SLC36A1: variants seen among roughly 807,000 people sequenced by gnomAD.
SLC36A1 encodes the protein proton-coupled amino acid transporter 1.
A neutral mutation model predicts 47.5 loss-of-function variants in SLC36A1; 30 were observed. The observed-to-expected ratio is 0.63, with a 90% CI of 0.47 to 0.86. SLC36A1 has a LOEUF of 0.86. SLC36A1 is among the 40% of genes least tolerant of loss of function. SLC36A1 has a pLI of 0.00. For synonymous variants in SLC36A1, 255 were observed against 249.7 expected (o/e 1.02, Z -0.20); for missense variants, 517 against 606.0 (o/e 0.85, Z 1.54).
At position 151,492,201 on chromosome 5, in the gene SLC36A1, G is replaced by C. The variant is rs966717592; in HGVS notation, c.*3947G>C. 2.0e-5 allele frequency: 3 copies of C among 152,154 alleles called. No homozygotes were observed. Among genetic ancestry groups the C allele is most frequent in the Non-Finnish European group, 4.4e-5 (3 of 68,040 alleles). The allele number at this position is 152,154 out of a possible 1,614,324, so 9.4% of individuals were successfully genotyped here. A position where few individuals can be genotyped will look rare whatever the true frequency, so the allele number is the denominator to read the frequency against. On this transcript the variant is annotated 3_prime_UTR_variant, in exon 11 of 11. Transcript: ENST00000243389. ...GTGAAGAAAAATCAACCAATCTGTA[G>C]GTGTTGATAACTAGACAGTACTGTG...
At chr5:151,385,808 G>C in the SLC36A1 span, among the ~76,000 whole-genome samples, 3 of 151,688 alleles carry the variant, frequency 2.0e-5, no homozygotes, top group African/African-American at 7.3e-5. Context: ...ATTCTAGGAA[G>C]TTTATGGGTC....
the SLC36A1 span, among the ~76,000 whole-genome samples, chr5:151,430,792 T>C: frequency 6.0e-3 from 912 of 152,362 alleles, 14 homozygotes; most frequent in African/African-American, 0.021. Flanking sequence ...TAATGCTTTT[T>C]GGGTATCCTC....
the SLC36A1 span, chr5:151,545,040 G>A: frequency 6.2e-7 from 1 of 1,614,112 alleles, no homozygotes; most frequent in Non-Finnish European, 8.5e-7. Context: ...GCTGCTCCCG[G>A]TCAAACGCCA....
chr5:151,449,640 G>C (rs1385786647), intron 1 of SLC36A1, among the ~76,000 whole-genome samples: 2 of 152,198 alleles, frequency 1.3e-5, no homozygotes, highest in African/African-American at 2.4e-5. Flanking sequence ...ATATTCTGGA[G>C]ACTACAACTG....
chr5:151,476,638 A>G lies in SLC36A1; in HGVS notation c.871A>G (p.Ile291Val). The G allele has an allele frequency of 6.2e-7, 1 of 1,611,026 alleles. No homozygotes were observed. The highest frequency in any genetic ancestry group is 8.5e-7 in the Non-Finnish European group (1 of 1,178,666). The change falls in exon 9 of 11, where the codon ATC (isoleucine) becomes GTC (valine). Residue 291 changes from isoleucine (I) to valine (V), a missense_variant. Ile to Val is a conservative substitution (Grantham distance 29). Transcript: ENST00000243389. ...KMKDPRKFPL[I>V]LYLGMVIVTI... ...GAAGGATCCTCGGAAGTTCCCACTC[A>G]TCCTGTACCTGGGCATGGTCATCGT...
the SLC36A1 span, chr5:151,378,099 C>A: frequency 5.7e-6 from 2 of 350,932 alleles, no homozygotes; most frequent in Non-Finnish European, 1.1e-5. Context: ...TTGATGTTGG[C>A]TAATTTCCAC....
At chr5:151,464,440 T>C in intron 3 of SLC36A1, 74 bp from the exon 4 acceptor site, 1 of 1,299,362 alleles carries the variant, frequency 7.7e-7, no homozygotes, top group Non-Finnish European at 1.1e-6. Flanking sequence ...CTTTGTGAAC[T>C]GAGTATCCAT....
At chr5:151,416,923 T>C in the SLC36A1 span, among the ~76,000 whole-genome samples, 1 of 152,202 alleles carries the variant, frequency 6.6e-6, no homozygotes. Flanking sequence ...TGAGATCCTA[T>C]GGTTTTATAA....
intron 1 of SLC36A1, among the ~76,000 whole-genome samples, chr5:151,450,239 G>A (rs1753437063): frequency 6.6e-6 from 1 of 152,102 alleles, no homozygotes; most frequent in South Asian, 2.1e-4. Context: ...CATGTGGGAT[G>A]GATGGAGCTG....
At chr5:151,552,835 A>T in the SLC36A1 span, among the ~76,000 whole-genome samples, 5 of 152,148 alleles carry the variant, frequency 3.3e-5, no homozygotes, top group South Asian at 2.1e-4. Flanking sequence ...GTCAACTATG[A>T]TTTTCACATT....
At chr5:151,496,334 CTCTT>C (rs1561800061), downstream of SLC36A1, among the ~76,000 whole-genome samples, 1 of 152,178 alleles carries the variant, frequency 6.6e-6, no homozygotes, top group Non-Finnish European at 1.5e-5. Context: ...CGAATTAAAC[CTCTT>C]TCTTTTGTAA....
the SLC36A1 span, among the ~76,000 whole-genome samples, chr5:151,401,585 A>G: frequency 2.6e-5 from 4 of 152,338 alleles, no homozygotes; most frequent in African/African-American, 9.6e-5. Context: ...GTTTATGGGA[A>G]TAGCATTGAA....
At chr5:151,517,235 T>A in the SLC36A1 span, among the ~76,000 whole-genome samples, 1,760 of 152,342 alleles carry the variant, frequency 0.012, 27 homozygotes, top group African/African-American at 0.038. Flanking sequence ...AAAGGAAATT[T>A]ATTTTTCTTC....
the SLC36A1 span, among the ~76,000 whole-genome samples, chr5:151,430,537 G>A: frequency 6.6e-6 from 1 of 151,966 alleles, no homozygotes; most frequent in Non-Finnish European, 1.5e-5. Flanking sequence ...TGTTGGTCAG[G>A]CTGGTCTTGA....
At chr5:151,550,680 G>A in the SLC36A1 span, 2 of 1,614,100 alleles carry the variant, frequency 1.2e-6, no homozygotes, top group Non-Finnish European at 1.7e-6. Context: ...CCAGCTGGAA[G>A]AGGCTGGCAC....
chr5:151,346,711 T>C, the SLC36A1 span, among the ~76,000 whole-genome samples: 5 of 152,142 alleles, frequency 3.3e-5, no homozygotes, highest in Non-Finnish European at 5.9e-5. Context: ...GCTTCCCTCT[T>C]TTTTTATGTT....
At chr5:151,430,557 C>T in the SLC36A1 span, among the ~76,000 whole-genome samples, 1 of 152,086 alleles carries the variant, frequency 6.6e-6, no homozygotes, top group Non-Finnish European at 1.5e-5. Context: ...AACTCCTGAC[C>T]TCATGATCCA....
chr5:151,523,388 A>G, the SLC36A1 span, among the ~76,000 whole-genome samples: 1 of 152,206 alleles, frequency 6.6e-6, no homozygotes, highest in Non-Finnish European at 1.5e-5. Flanking sequence ...CTTATGAGAT[A>G]GGTACTATCA....
Position 151,488,429 on chromosome 5 carries a change from T to C in SLC36A1, c.*175T>C. On this transcript the variant is annotated 3_prime_UTR_variant, in exon 11 of 11. Transcript: ENST00000243389. ...AGGTAACCTGAGGGCAGGGGAGAGG[T>C]GGGGTGGCAGACACGCAGAAGTGCT... The C allele has an allele frequency of 1.3e-6, 1 of 788,252 alleles. No individual in the cohort carries two copies. Among genetic ancestry groups the C allele is most frequent in the Non-Finnish European group, 2.0e-6 (1 of 507,580 alleles). 48.8% of individuals were successfully genotyped at this position (788,252 alleles called of 1,614,324 possible).
Sources: gnomAD v4.1 joint callset for allele counts (sites outside exome capture counted in the v4.1 genomes callset) on GRCh38, gnomAD v4.1.1 for gene constraint, MANE v1.5 for transcripts, NCBI Gene and HGNC (gene_info 2026-07-23, HGNC 2026-07-21) for gene names.